SLC35F3: variants seen among roughly 807,000 people sequenced by gnomAD.
SLC35F3 encodes solute carrier family 35 member F3.
SLC35F3 carries 25 observed loss-of-function variants against 49.9 expected under a neutral mutation model. That is an observed-to-expected ratio of 0.50 (90% CI 0.37 to 0.70). SLC35F3 has a LOEUF of 0.70. SLC35F3 is among the 30% of genes least tolerant of loss of function. The probability of loss-of-function intolerance (pLI) is 0.00; values close to 1 mark genes in which losing one functional copy is unlikely to be tolerated. For missense variants in SLC35F3, 525 were observed against 639.8 expected, an observed-to-expected ratio of 0.82 and a Z score of 1.94; for synonymous variants, 275 against 265.4, an observed-to-expected ratio of 1.04 and a Z score of -0.35.
intron 2 of SLC35F3, among the ~76,000 whole-genome samples, chr1:234,152,126 G>GA (rs1208326367): frequency 4.0e-5 from 6 of 148,966 alleles, no homozygotes; most frequent in Admixed American, 1.3e-4. Context: ...TGACACATAG[G>GA]AAAAAAAAGT....
rs369785955 is a variant in SLC35F3 at position 234,206,498 on chromosome 1, C to CG, written c.284-24910dup. On this transcript the variant is annotated intron_variant, in intron 2 of 7. Transcript: ENST00000366618. Reference sequence around the variant, plus strand: ...ACTATTTCCAAGGGACGCTATTTCCCGGGGGGGGGCTATTTCCAGGGCTCA... The same window carrying CG: ...ACTATTTCCAAGGGACGCTATTTCCCGGGGGGGGGGCTATTTCCAGGGCTCA... Among the ~76,000 whole-genome samples, 465 of 79,408 alleles carry CG rather than the reference C, an allele frequency of 5.9e-3. 1 individual carries two copies. Among genetic ancestry groups the CG allele is most frequent in the Middle Eastern group, 0.01 (1 of 96 alleles). The allele number at this position is 79,408 out of a possible 152,430, so 52.1% of individuals were successfully genotyped here.
At chr1:234,112,218 G>A (rs1327074746) in intron 2 of SLC35F3, among the ~76,000 whole-genome samples, 1 of 152,112 alleles carries the variant, frequency 6.6e-6, no homozygotes, top group Non-Finnish European at 1.5e-5. Context: ...AGGCATGGTG[G>A]TGCATGCCTG....
chr1:233,998,630 C>T (rs1191856643), intron 2 of SLC35F3, among the ~76,000 whole-genome samples: 1 of 151,728 alleles, frequency 6.6e-6, no homozygotes, highest in Non-Finnish European at 1.5e-5. Flanking sequence ...CTCTAATGAA[C>T]TGTTCAACTC....
At chr1:234,057,396 AT>A (rs1211403460) in intron 2 of SLC35F3, among the ~76,000 whole-genome samples, 1 of 152,042 alleles carries the variant, frequency 6.6e-6, no homozygotes, top group African/African-American at 2.4e-5. Flanking sequence ...ATTCCACAGT[AT>A]TTTATTATTT....
intron 2 of SLC35F3, among the ~76,000 whole-genome samples, chr1:234,053,503 C>T (rs1406317647): frequency 2.6e-5 from 4 of 152,132 alleles, no homozygotes; most frequent in Non-Finnish European, 2.9e-5. Context: ...GGTTGATCTT[C>T]CTCCATCCCT....
intron 2 of SLC35F3, among the ~76,000 whole-genome samples, chr1:233,979,186 A>G (rs564468834): frequency 6.6e-6 from 1 of 152,314 alleles, no homozygotes; most frequent in East Asian, 1.9e-4. Context: ...TCTTACTTAC[A>G]CTGCTCCTTT....
intron 3 of SLC35F3, among the ~76,000 whole-genome samples, chr1:234,260,341 T>C (rs1667883548): frequency 6.6e-6 from 1 of 152,142 alleles, no homozygotes; most frequent in South Asian, 2.1e-4. Context: ...CTTCATTATG[T>C]TCTCACTTAA....
intron 2 of SLC35F3, among the ~76,000 whole-genome samples, chr1:234,204,563 T>C (rs1666944745): frequency 6.6e-6 from 1 of 152,172 alleles, no homozygotes; most frequent in African/African-American, 2.4e-5. Flanking sequence ...TCCTAATGCC[T>C]AAGGAGCTAT....
intron 2 of SLC35F3, among the ~76,000 whole-genome samples, chr1:234,123,588 T>TTG (rs1468299088): frequency 2.0e-5 from 3 of 151,484 alleles, no homozygotes; most frequent in Non-Finnish European, 2.9e-5. Flanking sequence ...TTTTTTTTTT[T>TTG]TGTATTTTTA....
At chr1:233,934,201 A>C (rs1662290170) in intron 2 of SLC35F3, among the ~76,000 whole-genome samples, 1 of 152,216 alleles carries the variant, frequency 6.6e-6, no homozygotes, top group African/African-American at 2.4e-5. Context: ...CCTACACATT[A>C]AAAGTGGCCT....
At chr1:234,177,552 G>A (rs1375710652) in intron 2 of SLC35F3, among the ~76,000 whole-genome samples, 6 of 152,182 alleles carry the variant, frequency 3.9e-5, no homozygotes, top group Non-Finnish European at 1.5e-5. Context: ...CCAATGCAAA[G>A]ACCACATAAA....
chr1:233,921,893 T>A (rs1662068067), intron 2 of SLC35F3, among the ~76,000 whole-genome samples: 1 of 149,558 alleles, frequency 6.7e-6, no homozygotes, highest in South Asian at 2.2e-4. Context: ...AACATGGGTA[T>A]TTGGTTTTCT....
At chr1:234,105,401 T>C (rs1229216870) in intron 2 of SLC35F3, among the ~76,000 whole-genome samples, 1 of 152,180 alleles carries the variant, frequency 6.6e-6, no homozygotes, top group Non-Finnish European at 1.5e-5. Flanking sequence ...TGTATCTGCT[T>C]AGTGGGACTT....
chr1:233,988,798 A>C (rs1663306677), intron 2 of SLC35F3, among the ~76,000 whole-genome samples: 1 of 152,154 alleles, frequency 6.6e-6, no homozygotes, highest in Admixed American at 6.6e-5. Flanking sequence ...GAGAATTGTA[A>C]AACTTCTGCC....
chr1:234,063,569 A>G (rs185191725), intron 2 of SLC35F3, among the ~76,000 whole-genome samples: 7 of 152,252 alleles, frequency 4.6e-5, no homozygotes, highest in Admixed American at 1.3e-4. Context: ...GATCCCCCCA[A>G]TAAAACTTGT....
At chr1:233,939,045 T>C (rs1038859809) in intron 2 of SLC35F3, among the ~76,000 whole-genome samples, 3 of 152,226 alleles carry the variant, frequency 2.0e-5, no homozygotes, top group Non-Finnish European at 2.9e-5. Context: ...CTTGTTATGA[T>C]GCTTCTGGTT....
intron 2 of SLC35F3, among the ~76,000 whole-genome samples, chr1:234,023,080 C>A (rs1044342473): frequency 6.6e-6 from 1 of 152,102 alleles, no homozygotes; most frequent in African/African-American, 2.4e-5. Flanking sequence ...AAGGTTTGAA[C>A]ACATGAGGAA....
At chr1:234,043,837 A>G (rs779019778) in intron 2 of SLC35F3, among the ~76,000 whole-genome samples, 9 of 152,222 alleles carry the variant, frequency 5.9e-5, no homozygotes, top group South Asian at 2.1e-4. Context: ...GGGTTTTTAT[A>G]TTTATAAACT....
chr1:233,942,159 C>T (rs571819016), intron 2 of SLC35F3, among the ~76,000 whole-genome samples: 1 of 152,010 alleles, frequency 6.6e-6, no homozygotes, highest in South Asian at 2.1e-4. Context: ...GACGGGGTTT[C>T]ACTATGTTGG....
Sources: gnomAD v4.1 joint callset for allele counts (sites outside exome capture counted in the v4.1 genomes callset) on GRCh38, gnomAD v4.1.1 for gene constraint, MANE v1.5 for transcripts, NCBI Gene and HGNC (gene_info 2026-07-23, HGNC 2026-07-21) for gene names.